HDAC9: variants seen among roughly 807,000 people sequenced by gnomAD.
The protein encoded by HDAC9 is MEF-2 interacting transcription repressor (MITR) protein.
In HDAC9, 41 loss-of-function variants were observed where a neutral mutation model predicts 139.4. The observed-to-expected ratio is 0.29, with a 90% CI of 0.23 to 0.38. HDAC9 has a LOEUF of 0.38. Among genes scored for constraint, HDAC9 ranks in the 10% least tolerant of loss-of-function variants. The probability of loss-of-function intolerance (pLI) is 1.00; values close to 1 mark genes in which losing one functional copy is unlikely to be tolerated. For missense variants in HDAC9, 1,147 were observed against 1,297.0 expected (o/e 0.88, Z 1.78); for synonymous variants, 517 against 476.2 (o/e 1.09, Z -1.12).
chr7:18,515,638 G>T (rs565282869), intron 2 of HDAC9, among the ~76,000 whole-genome samples: 24 of 152,152 alleles, frequency 1.6e-4, no homozygotes, highest in Non-Finnish European at 3.2e-4. Context: ...AACAAAGGGG[G>T]TTCCATCCCT....
At chr7:18,119,931 G>A (rs926741142) in intron 1 of HDAC9, among the ~76,000 whole-genome samples, 1 of 152,158 alleles carries the variant, frequency 6.6e-6, no homozygotes, top group Non-Finnish European at 1.5e-5. Flanking sequence ...AATCCTTGGG[G>A]TGTTTGCCAT....
intron 24 of HDAC9, among the ~76,000 whole-genome samples, chr7:18,962,832 C>T (rs1393412013): frequency 6.6e-6 from 1 of 152,160 alleles, no homozygotes; most frequent in Non-Finnish European, 1.5e-5. Context: ...ATACACAGTT[C>T]TTTCCTCATT....
chr7:18,401,383 A>G (rs1787527353), intron 1 of HDAC9, among the ~76,000 whole-genome samples: 1 of 152,196 alleles, frequency 6.6e-6, no homozygotes, highest in Non-Finnish European at 1.5e-5. Flanking sequence ...AGTTGGGAAG[A>G]GGAGCAAAGA....
At chr7:18,106,971 C>T (rs545002935) in intron 1 of HDAC9, among the ~76,000 whole-genome samples, 3 of 152,282 alleles carry the variant, frequency 2.0e-5, no homozygotes, top group Admixed American at 1.3e-4. Context: ...TGAGCTTATA[C>T]CACCTTTGCA....
intron 2 of HDAC9, among the ~76,000 whole-genome samples, chr7:18,221,760 G>C (rs1792722951): frequency 6.6e-6 from 1 of 152,114 alleles, no homozygotes; most frequent in African/African-American, 2.4e-5. Flanking sequence ...GTCTCCCTCA[G>C]AGGAATCCAA....
At chr7:18,620,096 T>G (rs1839810942) in intron 6 of HDAC9, among the ~76,000 whole-genome samples, 1 of 152,200 alleles carries the variant, frequency 6.6e-6, no homozygotes, top group Non-Finnish European at 1.5e-5. Flanking sequence ...TCCCATTCCT[T>G]GATTCCTTGT....
chr7:18,388,820 T>C (rs1208638410), intron 1 of HDAC9, among the ~76,000 whole-genome samples: 1 of 152,184 alleles, frequency 6.6e-6, no homozygotes, highest in Non-Finnish European at 1.5e-5. Flanking sequence ...GAATTTTGTT[T>C]TTCAAAGCTT....
At chr7:18,515,380 A>AT (rs1162616602) in intron 2 of HDAC9, among the ~76,000 whole-genome samples, 3 of 151,750 alleles carry the variant, frequency 2.0e-5, no homozygotes, top group Admixed American at 6.6e-5. Context: ...TGAGAATGAA[A>AT]TTTTTTTTTA....
intron 1 of HDAC9, among the ~76,000 whole-genome samples, chr7:18,361,224 A>G (rs1783751228): frequency 6.6e-6 from 1 of 152,218 alleles, no homozygotes; most frequent in African/African-American, 2.4e-5. Flanking sequence ...CAAACCTAGC[A>G]AGGAGAAAAA....
chr7:18,211,286 A>T (rs1300237420), intron 2 of HDAC9, among the ~76,000 whole-genome samples: 1 of 152,182 alleles, frequency 6.6e-6, no homozygotes, highest in Non-Finnish European at 1.5e-5. Context: ...TCAACATGAC[A>T]AATCTGAGCT....
intron 12 of HDAC9, among the ~76,000 whole-genome samples, chr7:18,692,853 A>AT (rs1392698861): frequency 6.6e-6 from 1 of 151,972 alleles, no homozygotes; most frequent in African/African-American, 2.4e-5. Flanking sequence ...TTGTCCTGTT[A>AT]TTTTTTTGTG....
chr7:18,514,120 C>T (rs1365441433), intron 2 of HDAC9, among the ~76,000 whole-genome samples: 2 of 152,176 alleles, frequency 1.3e-5, no homozygotes, highest in Admixed American at 1.3e-4. Flanking sequence ...CAATCTGAGT[C>T]AATCTTTCTT....
intron 1 of HDAC9, chr7:18,325,528 T>A (rs1256859962): frequency 1.3e-5 from 2 of 152,066 alleles, no homozygotes; most frequent in African/African-American, 4.8e-5. Context: ...GGTCTTACTG[T>A]GTTGCCCAGG....
intron 24 of HDAC9, among the ~76,000 whole-genome samples, chr7:18,958,004 T>A (rs1419358440): frequency 6.6e-6 from 1 of 152,142 alleles, no homozygotes; most frequent in East Asian, 1.9e-4. Flanking sequence ...TCCTGTGAAT[T>A]TCTTTTTGAG....
intron 25 of HDAC9, among the ~76,000 whole-genome samples, chr7:18,995,688 G>C (rs1786407633): frequency 6.6e-6 from 1 of 152,146 alleles, no homozygotes; most frequent in Non-Finnish European, 1.5e-5. Flanking sequence ...AATCACTGCA[G>C]TTGCTCCTAA....
intron 1 of HDAC9, among the ~76,000 whole-genome samples, chr7:18,139,088 T>C (rs979295309): frequency 6.6e-6 from 1 of 151,886 alleles, no homozygotes; most frequent in African/African-American, 2.4e-5. Context: ...TTTAATTTTA[T>C]TGGGTATCAC....
At chr7:18,414,655 T>C (rs577403580) in intron 1 of HDAC9, among the ~76,000 whole-genome samples, 1 of 152,320 alleles carries the variant, frequency 6.6e-6, no homozygotes, top group South Asian at 2.1e-4. Context: ...CCTGTTCTTA[T>C]TGAATAAACA....
At chr7:18,923,995 A>G (rs1289364146) in intron 22 of HDAC9, among the ~76,000 whole-genome samples, 1 of 152,078 alleles carries the variant, frequency 6.6e-6, no homozygotes, top group African/African-American at 2.4e-5. Flanking sequence ...TGTGATAAGT[A>G]TTTGAAAAGA....
rs1803751158 is a variant in HDAC9, at chr7:18,921,746, A to G, written c.2804-14063A>G. ...TTACTGGGTATATACCCAAAGGACT[A>G]TAAATCATGCTGCTATAAAGACACA... is the stretch of plus-strand genomic sequence containing the variant. On this transcript the variant is annotated intron_variant, in intron 22 of 25. Coordinates refer to ENST00000686413, the MANE Select transcript of HDAC9 (RefSeq NM_178425.4). Among the ~76,000 whole-genome samples the G allele has an allele frequency of 4.6e-5, 7 of 152,284 alleles. No homozygotes were observed. The South Asian group carries it at 1.2e-3, about 27-fold the overall frequency.
Sources: gnomAD v4.1 joint callset for allele counts (sites outside exome capture counted in the v4.1 genomes callset) on GRCh38, gnomAD v4.1.1 for gene constraint, MANE v1.5 for transcripts, NCBI Gene and HGNC (gene_info 2026-07-23, HGNC 2026-07-21) for gene names.